Variants in XKR7 observed in about 807,000 individuals in gnomAD.
XKR7 encodes XK related 7, also known as XK-related protein 7.
A neutral mutation model predicts 42.2 loss-of-function variants in XKR7; 11 were observed. The ratio of observed to expected loss-of-function variants is 0.26; its 90% CI spans 0.16 to 0.43. The LOEUF is 0.43. Among genes scored for constraint, XKR7 ranks in the 20% least tolerant of loss-of-function variants. The pLI is 1.00. For missense variants in XKR7, 710 were observed against 802.2 expected, an observed-to-expected ratio of 0.89 and a Z score of 1.39; for synonymous variants, 346 against 366.4, an observed-to-expected ratio of 0.94 and a Z score of 0.64.
Position 31,997,159 on chromosome 20 carries a change from G to T in XKR7, c.1442G>T (p.Gly481Val), listed in dbSNP as rs767775210. The change falls in exon 3 of 3, where the codon GGT becomes GTT. Residue 481 changes from glycine (G) to valine (V), a missense_variant. Gly to Val is a moderately radical substitution (Grantham distance 109). Coordinates refer to ENST00000562532, the MANE Select transcript of XKR7 (RefSeq NM_001011718.2). ...SPPRSLPRTT[G>V]AERDGASAGE... ...CCCAGGTCCCTGCCAAGGACTACAG[G>T]TGCTGAGCGGGATGGGGCCTCGGCG... 9 of 1,611,158 alleles carry T rather than the reference G, an allele frequency of 5.6e-6. No homozygotes were observed. The highest frequency in any genetic ancestry group is 7.6e-6 in the Non-Finnish European group (9 of 1,180,020).
At position 31,997,274 on chromosome 20, in the gene XKR7, G is replaced by A. The variant is rs1194157980; in HGVS notation, c.1557G>A (p.Glu519=). 2 of 1,612,338 alleles carry A rather than the reference G, an allele frequency of 1.2e-6. No individual in the cohort carries two copies. Among genetic ancestry groups the A allele is most frequent in the Admixed American group, 3.3e-5 (2 of 60,032 alleles). ...CAGTGGCCCGCACCTTGCGGACAGA[G>A]GGGCCTGTCATCCGGATTGACTTGC... ...PTPVARTLRT[E]GPVIRIDLPR... Residue 519 remains glutamate (E), a synonymous_variant, in exon 3 of 3, where the codon GAG becomes GAA. Transcript: ENST00000562532.
At chr20:31,978,620 T>C (rs974187423) in intron 1 of XKR7, among the ~76,000 whole-genome samples, 1 of 152,234 alleles carries the variant, frequency 6.6e-6, no homozygotes, top group Non-Finnish European at 1.5e-5. Flanking sequence ...GTAGCCACTA[T>C]AGAGCACTTG....
chr20:31,996,088 G>GA (rs1568893032), intron 2 of XKR7, among the ~76,000 whole-genome samples: 1 of 151,490 alleles, frequency 6.6e-6, no homozygotes, highest in African/African-American at 2.4e-5. Context: ...CCTCCTGGTG[G>GA]CCCACGACTT....
intron 1 of XKR7, among the ~76,000 whole-genome samples, chr20:31,978,283 A>AT (rs992270028): frequency 6.6e-6 from 1 of 151,772 alleles, no homozygotes; most frequent in East Asian, 1.9e-4. Flanking sequence ...TTTTAAGACA[A>AT]TTTTTTTGTA....
At chr20:31,988,324 C>T (rs1225249157) in intron 1 of XKR7, among the ~76,000 whole-genome samples, 1 of 152,156 alleles carries the variant, frequency 6.6e-6, no homozygotes, top group Non-Finnish European at 1.5e-5. Flanking sequence ...TGGAAATTTC[C>T]CGTGAGGAGG....
In XKR7 at chr20:32,002,128, G is replaced by T. The variant is rs181526930; in HGVS notation, c.*4671G>T. On this transcript the variant is annotated 3_prime_UTR_variant, in exon 3 of 3. Transcript: ENST00000562532. Reference sequence around the variant, plus strand: ...GAGTGGGAGATGTGGAAGTGGAAAAGGAAGGCCCTGTCCAGGCCTGGCCTG... The same window carrying T: ...GAGTGGGAGATGTGGAAGTGGAAAATGAAGGCCCTGTCCAGGCCTGGCCTG... 175 of 152,414 alleles carry T rather than the reference G, an allele frequency of 1.1e-3. No homozygotes were observed. The highest frequency in any genetic ancestry group is 4.1e-3 in the African/African-American group (170 of 41,532). 9.4% of individuals were successfully genotyped at this position (152,414 alleles called of 1,614,324 possible).
intron 1 of XKR7, among the ~76,000 whole-genome samples, chr20:31,987,048 C>A (rs2064545208): frequency 6.6e-6 from 1 of 150,738 alleles, no homozygotes; most frequent in African/African-American, 2.4e-5. Flanking sequence ...ATCCAAGACA[C>A]AGACAGACAG....
intron 1 of XKR7, among the ~76,000 whole-genome samples, chr20:31,976,860 A>C (rs780987086): frequency 2.0e-5 from 3 of 152,110 alleles, no homozygotes; most frequent in Non-Finnish European, 1.5e-5. Context: ...CTGGATCACA[A>C]ACCCCTGGGG....
intron 1 of XKR7, among the ~76,000 whole-genome samples, chr20:31,975,187 A>G (rs1286318075): frequency 6.6e-6 from 1 of 151,604 alleles, no homozygotes; most frequent in Non-Finnish European, 1.5e-5. Context: ...GGGCATCCAA[A>G]TTCCTCCCCT....
intron 1 of XKR7, among the ~76,000 whole-genome samples, chr20:31,974,290 A>T (rs759245594): frequency 6.6e-6 from 1 of 152,172 alleles, no homozygotes; most frequent in Non-Finnish European, 1.5e-5. Context: ...CAGGAGAGAG[A>T]CAATGGAGAC....
chr20:31,973,913 G>A (rs1267459496), intron 1 of XKR7, among the ~76,000 whole-genome samples: 1 of 152,252 alleles, frequency 6.6e-6, no homozygotes, highest in African/African-American at 2.4e-5. Flanking sequence ...AGACTGGAGG[G>A]GCCGGGCACA....
chr20:31,995,232 T>C lies in XKR7; in HGVS notation c.749T>C (p.Leu250Pro), dbSNP rs1033670881. 1 of 1,542,210 alleles carries C rather than the reference T, an allele frequency of 6.5e-7. No homozygotes were observed. The highest frequency in any genetic ancestry group is 8.7e-7 in the Non-Finnish European group (1 of 1,146,266). ...SAPQLVLQLSLLVHRGGAPDL... is the reference protein window; with the variant it reads ...SAPQLVLQLSPLVHRGGAPDL... ...CCGCAGCTAGTGCTGCAGCTCAGCC[T>C]GCTGGTGCACCGCGGTGGCGCGCCC... The change falls in exon 2 of 3, where the codon CTG becomes CCG. Residue 250 changes from leucine (L) to proline (P), a missense_variant. Around this residue, in one of 2 missense-constraint regions of XKR7, gnomAD observed 708 missense variants for 786.2 expected, o/e 0.90. Transcript: ENST00000562532. This position sits in a 1 kb window ranked among gnomAD's most constrained non-coding sequence, Gnocchi z 4.1.
At position 31,968,608 on chromosome 20, in the gene XKR7, G is replaced by T; in HGVS notation, c.433G>T (p.Ala145Ser). 1 of 1,605,412 alleles carries T rather than the reference G, an allele frequency of 6.2e-7. No individual in the cohort carries two copies. Among genetic ancestry groups the T allele is most frequent in the Non-Finnish European group, 8.5e-7 (1 of 1,178,618 alleles). ...AGCCGCCATCAGCACCAAGGACAGC[G>T]CCGGCGCCTTCCGGACCAAAGAAGG... is the stretch of plus-strand genomic sequence containing the variant. ...GGAAISTKDS[A>S]GAFRTKEGSP... The change falls in exon 1 of 3, where the codon GCC (alanine) becomes TCC (serine). Residue 145 changes from alanine (A) to serine (S), a missense_variant. Physicochemically the swap from Ala to Ser is moderately conservative, Grantham distance 99. This residue lies in a region of XKR7 where 708 missense variants were observed against 786.2 expected (regional missense o/e 0.90). Coordinates refer to ENST00000562532, the MANE Select transcript of XKR7 (RefSeq NM_001011718.2). The surrounding 1 kb of genome is among the most constrained non-coding windows in gnomAD (Gnocchi z 4.5).
intron 1 of XKR7, among the ~76,000 whole-genome samples, chr20:31,981,333 G>A (rs753383871): frequency 1.3e-4 from 19 of 150,646 alleles, no homozygotes; most frequent in Non-Finnish European, 2.4e-4. Context: ...CTGAGATGGC[G>A]CCACTGCACT....
chr20:31,995,147 C>T lies in XKR7; in HGVS notation c.664C>T (p.Leu222=). The change falls in exon 2 of 3, where the codon CTG becomes TTG. Residue 222 remains leucine (L), a synonymous_variant. Transcript: ENST00000562532. The surrounding 1 kb of genome is among the most constrained non-coding windows in gnomAD (Gnocchi z 4.1). ...RLRRHFYWQM[L]FESADVSMLR... Reference sequence around the variant, plus strand: ...GCGGCGCCACTTCTACTGGCAGATGCTGTTCGAGAGCGCCGACGTGAGCAT... The same window carrying T: ...GCGGCGCCACTTCTACTGGCAGATGTTGTTCGAGAGCGCCGACGTGAGCAT... 2 of 1,558,100 alleles carry T rather than the reference C, an allele frequency of 1.3e-6. No individual in the cohort carries two copies. The highest frequency in any genetic ancestry group is 2.4e-5 in the East Asian group (1 of 41,770).
At chr20:31,984,550 G>A (rs1290044474) in intron 1 of XKR7, among the ~76,000 whole-genome samples, 2 of 152,214 alleles carry the variant, frequency 1.3e-5, no homozygotes, top group East Asian at 1.9e-4. Context: ...TTGGGCTTGG[G>A]CCCATTTTAT....
intron 1 of XKR7, chr20:31,970,297 C>T (rs2123695457): frequency 6.6e-6 from 1 of 152,312 alleles, no homozygotes; most frequent in East Asian, 1.9e-4. Flanking sequence ...TAAAGTGGGC[C>T]AGATGCCCCT....
chr20:31,993,922 C>G (rs1269849903), intron 1 of XKR7, among the ~76,000 whole-genome samples: 1 of 152,158 alleles, frequency 6.6e-6, no homozygotes, highest in African/African-American at 2.4e-5. Flanking sequence ...GGGGATAGGG[C>G]AGGGTGTTTT....
rs2064628346 is a variant in XKR7, at chr20:32,002,211, T to C, written c.*4754T>C. The C allele has an allele frequency of 6.6e-6, 1 of 152,248 alleles. No individual in the cohort carries two copies. The highest frequency in any genetic ancestry group is 2.1e-4 in the South Asian group (1 of 4,824). 9.4% of individuals were successfully genotyped at this position (152,248 alleles called of 1,614,324 possible). ...GAGAGGTTACCCCCTTGTGCTTAGC[T>C]TCTGCCACCCTTCCCTTCTCTGGAG... On this transcript the variant is annotated 3_prime_UTR_variant, in exon 3 of 3. Transcript: ENST00000562532.
Sources: gnomAD v4.1 joint callset for allele counts (sites outside exome capture counted in the v4.1 genomes callset) on GRCh38, gnomAD v4.1.1 for gene constraint, gnomAD v4.1.1 regional missense constraint, Gnocchi (gnomAD v3.1) non-coding constraint, MANE v1.5 for transcripts, NCBI Gene and HGNC (gene_info 2026-07-23, HGNC 2026-07-21) for gene names.